Variants in FAM117A observed in about 807,000 individuals in gnomAD.
The protein encoded by FAM117A is protein FAM117A.
Under a neutral mutation model 44.1 loss-of-function variants are expected in FAM117A, and 21 were observed. The ratio of observed to expected loss-of-function variants is 0.48; its 90% CI spans 0.34 to 0.69. The LOEUF (loss-of-function observed/expected upper bound fraction) is 0.69, where lower values mean the gene tolerates loss of function less well. FAM117A is among the 30% of genes least tolerant of loss of function. The probability of loss-of-function intolerance (pLI) is 0.01; values close to 1 mark genes in which losing one functional copy is unlikely to be tolerated. For synonymous variants in FAM117A, 220 were observed against 238.3 expected (o/e 0.92, Z 0.71); for missense variants, 498 against 589.9 (o/e 0.84, Z 1.61).
chr17:49,759,402 G>C (rs952274006), intron 1 of FAM117A, among the ~76,000 whole-genome samples: 8 of 152,192 alleles, frequency 5.3e-5, no homozygotes, highest in African/African-American at 1.9e-4. Flanking sequence ...TGCTGGCAAA[G>C]CTGTCAAAAG....
chr17:49,778,992 A>C lies in FAM117A; in HGVS notation c.-621+9505T>G, dbSNP rs77671387. 8.9e-3 allele frequency among the ~76,000 whole-genome samples: 1,354 copies of C among 152,334 alleles called. 23 individuals carry two copies. Among genetic ancestry groups the C allele is most frequent in the African/African-American group, 0.031 (1,289 of 41,584 alleles). On this transcript the variant is annotated intron_variant, in intron 1 of 7. Transcript: ENST00000513602. ...TATTTGAGCTGAGATCTGAAGGATT[A>C]GTGAAAATAGGCAAAGAAGAATATG...
In FAM117A at chr17:49,711,462, G is replaced by A. The variant is rs1271794943; in HGVS notation, c.1155C>T (p.Asn385=). The A allele has an allele frequency of 6.2e-7, 1 of 1,613,960 alleles. No individual in the cohort carries two copies. The highest frequency in any genetic ancestry group is 1.7e-5 in the Admixed American group (1 of 60,006). The change falls in exon 8 of 8, where the codon AAC becomes AAT. Residue 385 remains asparagine, a synonymous_variant. Coordinates refer to ENST00000240364, the MANE Select transcript of FAM117A (RefSeq NM_030802.4). ...TGCCGGGGAAGAGGGGCTTCATCAG[G>A]TTGACGGGGCAGAAGGCTGAGCCAG... ...NPTGSAFCPV[N]LMKPLFPGMG...
At chr17:49,782,048 T>C (rs774538137) in intron 1 of FAM117A, among the ~76,000 whole-genome samples, 14 of 151,818 alleles carry the variant, frequency 9.2e-5, no homozygotes, top group Non-Finnish European at 2.1e-4. Flanking sequence ...AATGTATGCA[T>C]GAGGAGAAAA....
chr17:49,777,203 G>T (rs564223041), intron 1 of FAM117A, among the ~76,000 whole-genome samples: 2 of 152,180 alleles, frequency 1.3e-5, no homozygotes, highest in South Asian at 2.1e-4. Flanking sequence ...GGAGCCTCAG[G>T]GTAGGGGTGG....
At chr17:49,756,933 A>G (rs899084449) in intron 1 of FAM117A, among the ~76,000 whole-genome samples, 123 of 151,258 alleles carry the variant, frequency 8.1e-4, no homozygotes, top group Non-Finnish European at 1.5e-3. Context: ...AAAAAAAAAA[A>G]AGAGAGAGAG....
chr17:49,724,174 C>T (rs1210082925), intron 2 of FAM117A, among the ~76,000 whole-genome samples: 2 of 152,148 alleles, frequency 1.3e-5, no homozygotes, highest in African/African-American at 2.4e-5. Context: ...GGAAGCCCAT[C>T]TCTCCCAGCC....
rs1276830781 is a variant in FAM117A at position 49,738,098 on chromosome 17, G to GTTTCA, written c.197-5379_197-5378insTGAAA. On this transcript the variant is annotated intron_variant, in intron 1 of 7. Coordinates refer to ENST00000240364, the MANE Select transcript of FAM117A (RefSeq NM_030802.4). ...GGAAGCCTTTGAAACTTGAAGTAAA[G>GTTTCA]GACTCTATTATCTCCTAGGGATAAC... 5.9e-5 allele frequency among the ~76,000 whole-genome samples: 9 copies of GTTTCA among 152,264 alleles called. 1 individual carries two copies. The South Asian group carries it at 1.0e-3, about 18-fold the overall frequency.
intron 1 of FAM117A, among the ~76,000 whole-genome samples, chr17:49,760,417 A>T (rs8075495): frequency 6.9e-4 from 105 of 152,118 alleles, no homozygotes; most frequent in African/African-American, 2.4e-3. Context: ...ACAACTCTTC[A>T]CTCCACCACC....
At chr17:49,738,016 C>T (rs543266574) in intron 1 of FAM117A, among the ~76,000 whole-genome samples, 1 of 152,282 alleles carries the variant, frequency 6.6e-6, no homozygotes, top group East Asian at 1.9e-4. Context: ...AGATGGCAGG[C>T]CCAATCCTAT....
intron 1 of FAM117A, among the ~76,000 whole-genome samples, chr17:49,743,250 G>C (rs1229390818): frequency 6.6e-6 from 1 of 152,108 alleles, no homozygotes; most frequent in Non-Finnish European, 1.5e-5. Context: ...AGGAACACTA[G>C]TATACCCATT....
chr17:49,769,445 T>A (rs2073754659), intron 1 of FAM117A, among the ~76,000 whole-genome samples: 1 of 152,090 alleles, frequency 6.6e-6, no homozygotes, highest in Non-Finnish European at 1.5e-5. Flanking sequence ...ACGCCTGTAA[T>A]CCTAACGCTT....
intron 1 of FAM117A, among the ~76,000 whole-genome samples, chr17:49,786,407 C>G (rs1457366521): frequency 6.6e-6 from 1 of 152,184 alleles, no homozygotes; most frequent in African/African-American, 2.4e-5. Flanking sequence ...CATTCAGAGA[C>G]TGTAAAACAG....
chr17:49,748,802 G>C (rs2073663660), intron 1 of FAM117A, among the ~76,000 whole-genome samples: 1 of 152,102 alleles, frequency 6.6e-6, no homozygotes, highest in East Asian at 1.9e-4. Context: ...CTGACAGCTG[G>C]GGGAAAACAT....
At chr17:49,754,953 G>A (rs925504302) in intron 1 of FAM117A, among the ~76,000 whole-genome samples, 1 of 149,778 alleles carries the variant, frequency 6.7e-6, no homozygotes, top group East Asian at 2.0e-4. Context: ...CAGGAGAATC[G>A]CTTGAACCCG....
At chr17:49,735,315 G>A (rs763530193) in intron 1 of FAM117A, among the ~76,000 whole-genome samples, 1 of 151,844 alleles carries the variant, frequency 6.6e-6, no homozygotes, top group South Asian at 2.1e-4. Context: ...GCTTGAACCC[G>A]GGAAGCGGAG....
chr17:49,781,688 A>G (rs1484083377), intron 1 of FAM117A, among the ~76,000 whole-genome samples: 3 of 152,184 alleles, frequency 2.0e-5, no homozygotes, highest in Non-Finnish European at 2.9e-5. Context: ...ACAAAATATA[A>G]AATTTCAGCC....
At chr17:49,740,422 T>C (rs2073629154) in intron 1 of FAM117A, among the ~76,000 whole-genome samples, 1 of 152,162 alleles carries the variant, frequency 6.6e-6, no homozygotes, top group South Asian at 2.1e-4. Flanking sequence ...GCTAATTTTT[T>C]GTATTTTTAG....
chr17:49,728,155 A>G (rs2073568322), intron 2 of FAM117A, among the ~76,000 whole-genome samples: 1 of 152,220 alleles, frequency 6.6e-6, no homozygotes, highest in Non-Finnish European at 1.5e-5. Flanking sequence ...TATGCTGAAC[A>G]ACTGGTCCTG....
At chr17:49,751,054 C>T (rs1234954454) in intron 1 of FAM117A, among the ~76,000 whole-genome samples, 4 of 151,806 alleles carry the variant, frequency 2.6e-5, no homozygotes, top group African/African-American at 7.3e-5. Context: ...CCGAGGCAGG[C>T]GGATCACCTG....
Sources: allele counts gnomAD v4.1 joint callset (sites outside exome capture counted in the v4.1 genomes callset), GRCh38; gene constraint gnomAD v4.1.1; transcripts MANE v1.5; gene names NCBI Gene and HGNC (gene_info 2026-07-23, HGNC 2026-07-21).